The following DAB2IP variants were observed in gnomAD, a reference collection of about 807,000 sequenced individuals.
The protein encoded by DAB2IP is DAB2 interacting protein, also known as disabled homolog 2-interacting protein.
In DAB2IP, 28 loss-of-function variants were observed where a neutral mutation model predicts 107.2. The observed-to-expected ratio is 0.26, with a 90% confidence interval of 0.19 to 0.36. The LOEUF (loss-of-function observed/expected upper bound fraction) is 0.36, where lower values mean the gene tolerates loss of function less well. Among genes scored for constraint, DAB2IP ranks in the 10% least tolerant of loss-of-function variants. DAB2IP has a pLI of 1.00. For missense variants in DAB2IP, 1,400 were observed against 1,644.7 expected, an observed-to-expected ratio of 0.85 and a Z score of 2.57; for synonymous variants, 755 against 706.4, an observed-to-expected ratio of 1.07 and a Z score of -1.09.
At chr9:121,571,440 T>C (rs188730957) in intron 1 of DAB2IP, among the ~76,000 whole-genome samples, 1 of 152,182 alleles carries the variant, frequency 6.6e-6, no homozygotes, top group African/African-American at 2.4e-5. Context: ...TGCAAAGGCA[T>C]GGAGACTGGT....
At position 121,604,852 on chromosome 9, in the gene DAB2IP, A is replaced by G. The variant is rs116840073; in HGVS notation, c.40+37624A>G. ...TTGGACTAGCTTTGAATCAGGCATGATTTTTCCACTCCTGCTCCAACTGCC... is the reference window on the plus strand; with the variant it reads ...TTGGACTAGCTTTGAATCAGGCATGGTTTTTCCACTCCTGCTCCAACTGCC... On this transcript the variant is annotated intron_variant, in intron 1 of 16. Transcript: ENST00000259371. Among the ~76,000 whole-genome samples, 533 of 151,930 alleles carry G rather than the reference A, an allele frequency of 3.5e-3. 7 individuals are homozygous for G. Among genetic ancestry groups the G allele is most frequent in the African/African-American group, 0.012 (511 of 41,406 alleles).
chr9:121,779,016 G>A (rs967864315), intron 14 of DAB2IP, among the ~76,000 whole-genome samples: 6 of 152,024 alleles, frequency 3.9e-5, no homozygotes, highest in Non-Finnish European at 5.9e-5. Flanking sequence ...CCTAGCACAC[G>A]TGCATTAGGC....
chr9:121,666,044 C>T lies in DAB2IP; in HGVS notation c.125-12634C>T, dbSNP rs571715085. Among the ~76,000 whole-genome samples, 6 of 152,308 alleles carry T rather than the reference C, an allele frequency of 3.9e-5. No homozygotes were observed. In the East Asian group the frequency reaches 7.7e-4, roughly 20 times the overall value. ...GGGGACAGAAGTCTGAAATCATTTT[C>T]GCTGGGCTAAAATCAAGGTGTCAGC... On this transcript the variant is annotated intron_variant, in intron 1 of 15. Coordinates refer to ENST00000408936, the Ensembl canonical transcript of DAB2IP.
Position 121,651,889 on chromosome 9 carries a change from GC to G in DAB2IP, c.116del (p.Pro39LeufsTer86). 1 of 1,411,186 alleles carries G rather than the reference GC, an allele frequency of 7.1e-7. No homozygotes were observed. 87.4% of individuals were successfully genotyped at this position (1,411,186 alleles called of 1,614,324 possible). ...GGAGCCGCTCCCGCAGCCGGACCCG[GC>G]CTGCCAGGGGTAGGCGCCACCCCGA... On this transcript the variant is annotated frameshift_variant, in exon 1 of 16. Transcript: ENST00000408936. LOFTEE classifies it high-confidence loss of function. The surrounding 1 kb of genome is among the most constrained non-coding windows in gnomAD (Gnocchi z 5.1).
intron 3 of DAB2IP, chr9:121,742,742 T>G: frequency 4.1e-6 from 4 of 985,638 alleles, no homozygotes; most frequent in Non-Finnish European, 4.8e-6. Context: ...CCCCGCATCC[T>G]CCCTCTGACT....
intron 2 of DAB2IP, among the ~76,000 whole-genome samples, chr9:121,680,376 TC>T (rs1828520497): frequency 6.6e-6 from 1 of 152,196 alleles, no homozygotes; most frequent in Non-Finnish European, 1.5e-5. Flanking sequence ...TAACAAGCTT[TC>T]CCCAGGAGGT....
At chr9:121,646,192 T>C (rs968255825) in intron 1 of DAB2IP, among the ~76,000 whole-genome samples, 37 of 152,174 alleles carry the variant, frequency 2.4e-4, no homozygotes, top group Non-Finnish European at 2.1e-4. Flanking sequence ...CTGCACCGTT[T>C]TCTGCAAACG....
At chr9:121,743,667 T>C (rs1361331155) in intron 3 of DAB2IP, among the ~76,000 whole-genome samples, 1 of 152,086 alleles carries the variant, frequency 6.6e-6, no homozygotes, top group African/African-American at 2.4e-5. Flanking sequence ...GCAGGAAGGC[T>C]CGCCCGGCCA....
Position 121,699,299 on chromosome 9 carries a change from T to TC in DAB2IP, c.229-21dup. 7.4e-7 allele frequency: 1 copy of TC among 1,351,484 alleles called. No individual in the cohort carries two copies. Among genetic ancestry groups the TC allele is most frequent in the Non-Finnish European group, 9.7e-7 (1 of 1,030,564 alleles). The allele number at this position is 1,351,484 out of a possible 1,614,324, so 83.7% of individuals were successfully genotyped here. A position where few individuals can be genotyped will look rare whatever the true frequency, so the allele number is the denominator to read the frequency against. ...CCGCCGCGCTAACCCCGCCTCCCCT[T>TC]CCCCCTCTTGTCCCCCCGTGCGCAG... On this transcript the variant is annotated intron_variant, in intron 2 of 15. Coordinates refer to ENST00000408936, the Ensembl canonical transcript of DAB2IP. The surrounding 1 kb of genome is among the most constrained non-coding windows in gnomAD (Gnocchi z 6.2).
intron 2 of DAB2IP, among the ~76,000 whole-genome samples, chr9:121,682,277 G>T (rs1386455024): frequency 6.6e-6 from 1 of 152,236 alleles, no homozygotes; most frequent in Non-Finnish European, 1.5e-5. Flanking sequence ...CCTCGGGGAG[G>T]CAGGGGAGAT....
chr9:121,682,479 C>T (rs1293590290), intron 2 of DAB2IP, among the ~76,000 whole-genome samples: 1 of 152,164 alleles, frequency 6.6e-6, no homozygotes, highest in Non-Finnish European at 1.5e-5. Flanking sequence ...AGGTCACCAC[C>T]CAGCTGACAG....
rs1225738073 is a variant in DAB2IP at position 121,736,584 on chromosome 9, C to A, written c.363-20429C>A. ...AGGGCCCGGAGGGCTGGGGCTGGGG[C>A]GGGCCGCTTCCGGGCTGGAGAGGGT... is the stretch of plus-strand genomic sequence containing the variant. On this transcript the variant is annotated intron_variant, in intron 3 of 15. Transcript: ENST00000408936. This position sits in a 1 kb window ranked among gnomAD's most constrained non-coding sequence, Gnocchi z 4.6. Among the ~76,000 whole-genome samples the A allele has an allele frequency of 7.1e-6, 1 of 140,072 alleles. No individual in the cohort carries two copies. Among genetic ancestry groups the A allele is most frequent in the Non-Finnish European group, 1.6e-5 (1 of 64,178 alleles). 91.9% of individuals were successfully genotyped at this position (140,072 alleles called of 152,430 possible).
intron 12 of DAB2IP, among the ~76,000 whole-genome samples, chr9:121,773,819 C>A (rs561693977): frequency 5.9e-5 from 9 of 152,324 alleles, no homozygotes; most frequent in African/African-American, 2.2e-4. Flanking sequence ...GCTCTGCCCC[C>A]ACACGCCCCT....
At chr9:121,748,379 A>G (rs1832862867) in intron 3 of DAB2IP, among the ~76,000 whole-genome samples, 1 of 152,140 alleles carries the variant, frequency 6.6e-6, no homozygotes, top group African/African-American at 2.4e-5. Flanking sequence ...TGTCCCACAG[A>G]GGGTGACCAG....
intron 3 of DAB2IP, among the ~76,000 whole-genome samples, chr9:121,739,487 T>TA (rs1832163841): frequency 6.6e-6 from 1 of 152,118 alleles, no homozygotes; most frequent in African/African-American, 2.4e-5. Flanking sequence ...ACTCCCCTGG[T>TA]AGGGGTAAGG....
Position 121,718,476 on chromosome 9 carries a change from CG to C in DAB2IP, c.362+19021del, listed in dbSNP as rs1184529747. Among the ~76,000 whole-genome samples, 6 of 152,164 alleles carry C rather than the reference CG, an allele frequency of 3.9e-5. No individual in the cohort carries two copies. The South Asian group carries it at 1.2e-3, about 32-fold the overall frequency. Reference sequence around the variant, plus strand: ...GACTTCGAGGTCTTAACAAGTCCCTCGGGAGTCTCCAGACTCGAGTCCTTAC... The same window carrying C: ...GACTTCGAGGTCTTAACAAGTCCCTCGGAGTCTCCAGACTCGAGTCCTTAC... On this transcript the variant is annotated intron_variant, in intron 3 of 15. Transcript: ENST00000408936.
intron 3 of DAB2IP, among the ~76,000 whole-genome samples, chr9:121,722,923 C>G (rs1589583890): frequency 6.6e-6 from 1 of 152,204 alleles, no homozygotes; most frequent in South Asian, 2.1e-4. Flanking sequence ...CTTACTCCAC[C>G]AAAAGCCACG....
At chr9:121,604,743 G>C (rs898171297) in intron 1 of DAB2IP, among the ~76,000 whole-genome samples, 1 of 152,110 alleles carries the variant, frequency 6.6e-6, no homozygotes, top group Non-Finnish European at 1.5e-5. Flanking sequence ...GTCGTTGTCC[G>C]CTGCCTGTCC....
At chr9:121,649,957 A>T (rs1342792), upstream of DAB2IP, among the ~76,000 whole-genome samples, 131 of 152,352 alleles carry the variant, frequency 8.6e-4, 1 homozygote, top group African/African-American at 3.1e-3. Context: ...GCTGCCCAAC[A>T]CAAATTCATA....
Sources: gnomAD v4.1 joint callset for allele counts (sites outside exome capture counted in the v4.1 genomes callset) on GRCh38, gnomAD v4.1.1 for gene constraint, Gnocchi (gnomAD v3.1) non-coding constraint, MANE v1.5 for transcripts, NCBI Gene and HGNC (gene_info 2026-07-23, HGNC 2026-07-21) for gene names.